CPNE4: variants seen among roughly 807,000 people sequenced by gnomAD.
CPNE4 encodes copine 4.
In CPNE4, 25 loss-of-function variants were observed where a neutral mutation model predicts 67.9. The observed-to-expected ratio is 0.37, with a 90% CI of 0.27 to 0.51. The LOEUF is 0.51. Among genes scored for constraint, CPNE4 ranks in the 20% least tolerant of loss-of-function variants. The pLI is 0.93. For synonymous variants in CPNE4, 242 were observed against 244.9 expected (o/e 0.99, Z 0.11); for missense variants, 464 against 690.8 (o/e 0.67, Z 3.68).
At chr3:131,729,620 A>G (rs945180903) in intron 2 of CPNE4, among the ~76,000 whole-genome samples, 9 of 152,212 alleles carry the variant, frequency 5.9e-5, no homozygotes, top group African/African-American at 2.2e-4. Flanking sequence ...TTAATTTTCA[A>G]TTTAAATGGA....
chr3:131,761,123 G>A (rs889672957), intron 2 of CPNE4, among the ~76,000 whole-genome samples: 1 of 143,712 alleles, frequency 7.0e-6, no homozygotes, highest in Non-Finnish European at 1.5e-5. Flanking sequence ...TCAAGAGGGA[G>A]GAGACAGTAA....
At chr3:132,030,689 G>T (rs1583622074) in intron 1 of CPNE4, among the ~76,000 whole-genome samples, 1 of 152,298 alleles carries the variant, frequency 6.6e-6, no homozygotes, top group South Asian at 2.1e-4. Context: ...GACTTCCCAG[G>T]ATGTGCTGAT....
intron 1 of CPNE4, among the ~76,000 whole-genome samples, chr3:131,950,861 C>T (rs1002705086): frequency 6.6e-6 from 1 of 152,098 alleles, no homozygotes; most frequent in Admixed American, 6.5e-5. Context: ...TCCATGAATC[C>T]GAGGCACATA....
In CPNE4 at chr3:131,878,043, T is replaced by C. The variant is rs114472231; in HGVS notation, c.180+27221A>G. ...TACATGCTACTGCTGAGAGTGCATA[T>C]TGGTACAAACCTTGTAGAAAACTGT... On this transcript the variant is annotated intron_variant, in intron 2 of 15. Coordinates refer to ENST00000429747, the MANE Select transcript of CPNE4 (RefSeq NM_130808.3). 4.5e-3 allele frequency among the ~76,000 whole-genome samples: 689 copies of C among 152,304 alleles called. 7 individuals carry two copies. Among genetic ancestry groups the C allele is most frequent in the African/African-American group, 0.016 (649 of 41,554 alleles).
At chr3:131,876,744 T>C (rs73206010) in intron 2 of CPNE4, among the ~76,000 whole-genome samples, 11,554 of 152,128 alleles carry the variant, frequency 0.076, 585 homozygotes, top group East Asian at 0.17. Flanking sequence ...TAAAGGTTAA[T>C]CTATGTAGTA....
intron 2 of CPNE4, among the ~76,000 whole-genome samples, chr3:131,822,167 T>A (rs905522431): frequency 7.2e-5 from 11 of 152,134 alleles, no homozygotes; most frequent in Admixed American, 6.5e-5. Context: ...ACAATAAAAT[T>A]TTTTTTCAAG....
intron 2 of CPNE4, among the ~76,000 whole-genome samples, chr3:131,823,845 G>A (rs1268991613): frequency 6.6e-6 from 1 of 152,122 alleles, no homozygotes; most frequent in Non-Finnish European, 1.5e-5. Flanking sequence ...TGAAAAAAAT[G>A]GAGCTACTAG....
At chr3:131,569,491 T>C (rs532785853) in intron 10 of CPNE4, among the ~76,000 whole-genome samples, 49 of 151,620 alleles carry the variant, frequency 3.2e-4, no homozygotes, top group Admixed American at 7.2e-4. Context: ...TTTTAAAAAG[T>C]AGCCAGTGTG....
At chr3:131,700,260 T>C (rs1652247223) in intron 3 of CPNE4, among the ~76,000 whole-genome samples, 1 of 148,492 alleles carries the variant, frequency 6.7e-6, no homozygotes, top group Admixed American at 6.7e-5. Context: ...ATGAAGGATG[T>C]ATATTAAAAT....
chr3:131,792,560 C>A, intron 2 of CPNE4, among the ~76,000 whole-genome samples: 1 of 147,404 alleles, frequency 6.8e-6, no homozygotes, highest in Admixed American at 6.8e-5. Context: ...ACCTGCCGAC[C>A]AGATACCTAC....
At chr3:131,574,548 C>A (rs894772661) in intron 10 of CPNE4, among the ~76,000 whole-genome samples, 1 of 152,120 alleles carries the variant, frequency 6.6e-6, no homozygotes, top group Non-Finnish European at 1.5e-5. Context: ...ACTTCTCAAC[C>A]TTGACCTCGG....
At chr3:131,594,824 A>G (rs1008469306) in intron 7 of CPNE4, among the ~76,000 whole-genome samples, 1 of 152,236 alleles carries the variant, frequency 6.6e-6, no homozygotes, top group Non-Finnish European at 1.5e-5. Flanking sequence ...TTGTCTAAAT[A>G]AACAAGAAAC....
chr3:131,909,403 G>T (rs1350382278), intron 1 of CPNE4, among the ~76,000 whole-genome samples: 1 of 152,136 alleles, frequency 6.6e-6, no homozygotes, highest in African/African-American at 2.4e-5. Context: ...CAAGGCATCT[G>T]ATGGGAATGA....
At chr3:131,849,762 A>G (rs1053870776) in intron 2 of CPNE4, among the ~76,000 whole-genome samples, 2 of 152,128 alleles carry the variant, frequency 1.3e-5, no homozygotes, top group Non-Finnish European at 2.9e-5. Context: ...AGAAAATGAA[A>G]AATTCATGGA....
At chr3:131,703,540 G>A (rs1391505289) in intron 3 of CPNE4, among the ~76,000 whole-genome samples, 1 of 152,066 alleles carries the variant, frequency 6.6e-6, no homozygotes, top group Admixed American at 6.6e-5. Context: ...TAACAGCATG[G>A]GTCTTCAATT....
intron 1 of CPNE4, among the ~76,000 whole-genome samples, chr3:131,921,497 G>A (rs2070739028): frequency 6.6e-6 from 1 of 152,132 alleles, no homozygotes; most frequent in African/African-American, 2.4e-5. Context: ...CTTTCAGAGT[G>A]ATCAAGTACA....
chr3:131,840,273 C>T (rs377020835), intron 2 of CPNE4, among the ~76,000 whole-genome samples: 5 of 150,686 alleles, frequency 3.3e-5, no homozygotes, highest in Admixed American at 2.0e-4. Flanking sequence ...ATTTGAATTT[C>T]CTCTGCAGTG....
At chr3:131,911,137 T>C (rs2088957055) in intron 1 of CPNE4, among the ~76,000 whole-genome samples, 1 of 152,142 alleles carries the variant, frequency 6.6e-6, no homozygotes. Flanking sequence ...ACACCTCAGA[T>C]AATGACACCA....
At chr3:131,853,224 T>C (rs1477387135) in intron 2 of CPNE4, among the ~76,000 whole-genome samples, 3 of 151,752 alleles carry the variant, frequency 2.0e-5, no homozygotes, top group Non-Finnish European at 4.4e-5. Context: ...GATAGACAAA[T>C]AGATAAATGG....
Sources: gnomAD v4.1 joint callset for allele counts (sites outside exome capture counted in the v4.1 genomes callset) on GRCh38, gnomAD v4.1.1 for gene constraint, MANE v1.5 for transcripts, NCBI Gene and HGNC (gene_info 2026-07-23, HGNC 2026-07-21) for gene names.